Variants in CA6 observed in about 807,000 individuals in gnomAD.
The protein encoded by CA6 is carbonate dehydratase VI.
In CA6, 28 loss-of-function variants were observed where a neutral mutation model predicts 35.9. That is an observed-to-expected ratio of 0.78 (90% CI 0.58 to 1.07). The LOEUF is 1.07. Ranked by LOEUF, CA6 falls within the 50% of genes least tolerant of loss-of-function variation. The pLI, the probability that CA6 is intolerant of heterozygous loss-of-function variation, is 0.00. For synonymous variants in CA6, 148 were observed against 152.6 expected (o/e 0.97, Z 0.22); for missense variants, 377 against 382.0 (o/e 0.99, Z 0.11).
At chr1:8,957,974 C>T (rs1239793715) in intron 3 of CA6, among the ~76,000 whole-genome samples, 2 of 151,854 alleles carry the variant, frequency 1.3e-5, no homozygotes, top group East Asian at 3.9e-4. Flanking sequence ...AAAGACTGTG[C>T]GATGGTAGCA....
In CA6 at chr1:8,970,518, A is replaced by AT. The variant is rs548153131; in HGVS notation, c.730-341dup. On this transcript the variant is annotated intron_variant, in intron 6 of 7. Coordinates refer to ENST00000377443, the MANE Select transcript of CA6 (RefSeq NM_001215.4). ...AGTTGTTAATTCTTTTTTATTTTTT[A>AT]TTTTTTTTGAGACAGAGTTTCTCTC... 5.0e-3 allele frequency among the ~76,000 whole-genome samples: 751 copies of AT among 151,420 alleles called. 2 individuals are homozygous for AT. The highest frequency in any genetic ancestry group is 4.9e-3 in the Non-Finnish European group (329 of 67,830).
chr1:8,973,742 TTC>T (rs1473548974), intron 7 of CA6, among the ~76,000 whole-genome samples: 6 of 19,602 alleles, frequency 3.1e-4, no homozygotes, highest in African/African-American at 2.6e-3. Context: ...CTTTCTTTCT[TTC>T]TTTCTTTCTT....
At chr1:8,953,648 T>TCAAC (rs1639599153) in intron 2 of CA6, among the ~76,000 whole-genome samples, 1 of 151,750 alleles carries the variant, frequency 6.6e-6, no homozygotes, top group Non-Finnish European at 1.5e-5. Flanking sequence ...AGTCAATCAA[T>TCAAC]CAATCAATCA....
chr1:8,951,749 T>A lies in CA6; in HGVS notation c.259+2307T>A, dbSNP rs2124239832. The A allele has an allele frequency of 4.1e-6, 3 of 733,376 alleles. No individual in the cohort carries two copies. In the East Asian group the frequency reaches 7.3e-5, roughly 18 times the overall value. The allele number at this position is 733,376 out of a possible 1,614,324, so 45.4% of individuals were successfully genotyped here. On this transcript the variant is annotated intron_variant, in intron 2 of 7. Transcript: ENST00000377443. ...GGTCCGGAAGCCTGTTCCTTTGGGG[T>A]TCTCACCTCACACGACAGCATGTCG...
chr1:8,969,849 GA>G (rs1640061598), intron 6 of CA6, among the ~76,000 whole-genome samples: 1 of 151,582 alleles, frequency 6.6e-6, no homozygotes, highest in African/African-American at 2.4e-5. Flanking sequence ...AGTGCCGAGG[GA>G]AAAAAAATAG....
chr1:8,960,655 T>C (rs1160425148), intron 4 of CA6, among the ~76,000 whole-genome samples: 2 of 149,898 alleles, frequency 1.3e-5, no homozygotes, highest in East Asian at 3.9e-4. Flanking sequence ...GATAGAGCAA[T>C]GAAATTATCC....
At position 8,967,235 on chromosome 1, in the gene CA6, T is replaced by G. The variant is rs1299201720; in HGVS notation, c.572-424T>G. Among the ~76,000 whole-genome samples the G allele has an allele frequency of 3.3e-5, 5 of 152,200 alleles. No individual in the cohort carries two copies. The East Asian group carries it at 9.6e-4, about 29-fold the overall frequency. ...GAAGTCTCCAGGGGCCATATTTATT[T>G]CTTTCATTGATCATAAAATGTGTCC... is the stretch of plus-strand genomic sequence containing the variant. On this transcript the variant is annotated intron_variant, in intron 5 of 7. Transcript: ENST00000377443.
At chr1:8,949,177 C>A in intron 1 of CA6, 86 bp from the exon 2 acceptor site, 1 of 1,086,922 alleles carries the variant, frequency 9.2e-7, no homozygotes, top group Non-Finnish European at 1.3e-6. Flanking sequence ...CCCAGCAGGC[C>A]CTGGCCTCTG....
Position 8,953,704 on chromosome 1 carries a change from C to T in CA6, c.260-3433C>T, listed in dbSNP as rs565414004. Among the ~76,000 whole-genome samples the T allele has an allele frequency of 3.9e-5, 6 of 152,218 alleles. No homozygotes were observed. The South Asian group carries it at 1.0e-3, about 26-fold the overall frequency. ...TGTTTTCAGTCCATGTGGGTAATTACCAAGAGCTTGCTTGATCGTATAGTA... is the reference window on the plus strand; with the variant it reads ...TGTTTTCAGTCCATGTGGGTAATTATCAAGAGCTTGCTTGATCGTATAGTA... On this transcript the variant is annotated intron_variant, in intron 2 of 7. Coordinates refer to ENST00000377443, the MANE Select transcript of CA6 (RefSeq NM_001215.4).
intron 6 of CA6, among the ~76,000 whole-genome samples, chr1:8,969,111 C>T (rs567183385): frequency 3.3e-4 from 50 of 149,500 alleles, no homozygotes; most frequent in African/African-American, 1.1e-3. Flanking sequence ...GTCAGGGGTT[C>T]GAGACCAGCC....
rs200886584 is a variant in CA6, at chr1:8,949,352, G to A, written c.169G>A (p.Val57Met). 4 of 1,613,278 alleles carry A rather than the reference G, an allele frequency of 2.5e-6. No homozygotes were observed. Among genetic ancestry groups the A allele is most frequent in the Non-Finnish European group, 3.4e-6 (4 of 1,179,584 alleles). Residue 57 changes from valine to methionine, a missense_variant, in exon 2 of 8, where the codon GTG (valine) becomes ATG (methionine). By Grantham distance (21) the Val-to-Met change is conservative. Coordinates refer to ENST00000377443, the MANE Select transcript of CA6 (RefSeq NM_001215.4). ...QSPINLQRTK[V>M]RYNPSLKGLN... Reference sequence around the variant, plus strand: ...GCCTATCAACCTACAGAGGACGAAGGTGCGGTACAACCCCTCCTTGAAGGG... The same window carrying A: ...GCCTATCAACCTACAGAGGACGAAGATGCGGTACAACCCCTCCTTGAAGGG...
At chr1:8,951,259 T>G (rs1639525203) in intron 2 of CA6, among the ~76,000 whole-genome samples, 1 of 151,748 alleles carries the variant, frequency 6.6e-6, no homozygotes, top group African/African-American at 2.4e-5. Context: ...AATTGTCCTT[T>G]ATAGGGTTGG....
chr1:8,969,262 C>A (rs982640927), intron 6 of CA6, among the ~76,000 whole-genome samples: 4 of 152,044 alleles, frequency 2.6e-5, no homozygotes, highest in Non-Finnish European at 5.9e-5. Context: ...TTGCAGTGAG[C>A]TGAGATCATG....
chr1:8,946,811 T>TTTG (rs370404934), intron 1 of CA6, among the ~76,000 whole-genome samples: 2 of 148,950 alleles, frequency 1.3e-5, no homozygotes, highest in African/African-American at 5.0e-5. Flanking sequence ...TTTTGTTTTT[T>TTTG]TTTTTTTTTT....
chr1:8,964,928 A>G (rs1639931751), intron 5 of CA6, among the ~76,000 whole-genome samples: 1 of 152,184 alleles, frequency 6.6e-6, no homozygotes, highest in African/African-American at 2.4e-5. Context: ...GACTCCACGC[A>G]GTCCCACAGC....
chr1:8,965,866 G>A (rs1231918647), intron 5 of CA6, among the ~76,000 whole-genome samples: 1 of 146,294 alleles, frequency 6.8e-6, no homozygotes, highest in Non-Finnish European at 1.5e-5. Context: ...CAGTCTGGGT[G>A]ACAGAGTGAG....
At chr1:8,956,473 A>C (rs1245812825) in intron 2 of CA6, among the ~76,000 whole-genome samples, 1 of 151,928 alleles carries the variant, frequency 6.6e-6, no homozygotes, top group East Asian at 1.9e-4. Context: ...CAGCGTAACC[A>C]ATATGGTGAA....
intron 6 of CA6, 70 bp downstream of exon 6, chr1:8,967,886 A>C: frequency 6.8e-7 from 1 of 1,467,558 alleles, no homozygotes; most frequent in Non-Finnish European, 9.4e-7. Flanking sequence ...TCTCCCCAGC[A>C]TCTCAACGAA....
intron 1 of CA6, among the ~76,000 whole-genome samples, chr1:8,947,857 T>A (rs749502841): frequency 2.0e-5 from 3 of 151,660 alleles, no homozygotes; most frequent in Non-Finnish European, 4.4e-5. Flanking sequence ...CACCTTTTTT[T>A]TTTTTTTTGA....
Sources: allele counts gnomAD v4.1 joint callset (sites outside exome capture counted in the v4.1 genomes callset), GRCh38; gene constraint gnomAD v4.1.1; transcripts MANE v1.5; gene names NCBI Gene and HGNC (gene_info 2026-07-23, HGNC 2026-07-21).